The following YJU2 variants were observed in gnomAD, a reference collection of about 807,000 sequenced individuals.
YJU2 encodes the protein YJU2 splicing factor homolog.
In YJU2, 28 loss-of-function variants were observed where a neutral mutation model predicts 39.6. That is an observed-to-expected ratio of 0.71 (90% CI 0.52 to 0.97). The LOEUF is 0.97. Among genes scored for constraint, YJU2 ranks in the 50% least tolerant of loss-of-function variants. The probability of loss-of-function intolerance (pLI) is 0.00; values close to 1 mark genes in which losing one functional copy is unlikely to be tolerated. For missense variants in YJU2, 328 were observed against 430.4 expected, an observed-to-expected ratio of 0.76 and a Z score of 2.11; for synonymous variants, 184 against 182.4, an observed-to-expected ratio of 1.01 and a Z score of -0.07.
chr19:4,261,160 CA>C (rs1971067318), intron 5 of YJU2, among the ~76,000 whole-genome samples: 3 of 152,144 alleles, frequency 2.0e-5, no homozygotes, highest in African/African-American at 7.2e-5. Flanking sequence ...TCTAAAGGCA[CA>C]GGGATTACAG....
At chr19:4,247,214 C>T (rs763333909) in intron 1 of YJU2, 44 bp downstream of exon 1, 7 of 1,565,720 alleles carry the variant, frequency 4.5e-6, no homozygotes, top group Non-Finnish European at 6.1e-6. Context: ...AGCAGGACAT[C>T]CCGGAACTCC....
rs757755246 is a variant in YJU2 at position 4,254,342 on chromosome 19, A to C, written c.271-13A>C. The C allele has an allele frequency of 1.2e-6, 2 of 1,606,502 alleles. No individual in the cohort carries two copies. The highest frequency in any genetic ancestry group is 2.7e-5 in the African/African-American group (2 of 74,688). ...GGGATGTAGGAGCTGATGTCTGTCT[A>C]TCCTCCCTGCAGACAGACCCTGAAA... On this transcript the variant is annotated splice_polypyrimidine_tract_variant and intron_variant, in intron 3 of 7. Coordinates refer to ENST00000262962, the MANE Select transcript of YJU2 (RefSeq NM_018074.6).
intron 4 of YJU2, among the ~76,000 whole-genome samples, chr19:4,255,389 G>A (rs906947299): frequency 1.3e-5 from 2 of 152,012 alleles, no homozygotes; most frequent in African/African-American, 2.4e-5. Flanking sequence ...TCAAAGACCA[G>A]CCTGGGCAAC....
intron 3 of YJU2, among the ~76,000 whole-genome samples, chr19:4,253,728 G>C: frequency 6.6e-6 from 1 of 152,266 alleles, no homozygotes; most frequent in South Asian, 2.1e-4. Flanking sequence ...AAAAACAGGG[G>C]CATGCTGTAT....
Position 4,258,383 on chromosome 19 carries a change from C to G in YJU2, c.547C>G (p.Arg183Gly). The G allele has an allele frequency of 6.3e-7, 1 of 1,597,202 alleles. No individual in the cohort carries two copies. Among genetic ancestry groups the G allele is most frequent in the Non-Finnish European group, 8.5e-7 (1 of 1,173,888 alleles). ...GCAGCACCGCCTGTCGGAGGAGGAG[C>G]GGCGGAGGCAGCAGCAGGAGGAGGA... ...LRQHRLSEEE[R>G]RRQQQEEDEQ... Residue 183 changes from arginine (R) to glycine (G), a missense_variant, in exon 5 of 8, where the codon CGG becomes GGG. Arg to Gly is a moderately radical substitution (Grantham distance 125, BLOSUM62 -2). Transcript: ENST00000262962.
chr19:4,262,238 G>A (rs1454775567), intron 6 of YJU2, 124 bp downstream of exon 6: 27 of 1,058,944 alleles, frequency 2.5e-5, no homozygotes, highest in Middle Eastern at 3.2e-4. Context: ...TCGCTCTGTC[G>A]CCTAGGCTGG....
Position 4,259,773 on chromosome 19 carries a change from C to T in YJU2, c.587+1350C>T, listed in dbSNP as rs867171171. Among the ~76,000 whole-genome samples, 17 of 152,202 alleles carry T rather than the reference C, an allele frequency of 1.1e-4. No homozygotes were observed. In the Middle Eastern group the frequency reaches 0.017, roughly 152 times the overall value. On this transcript the variant is annotated intron_variant, in intron 5 of 7. Coordinates refer to ENST00000262962, the MANE Select transcript of YJU2 (RefSeq NM_018074.6). ...TCCCCTCCCTCCTTTAGAATCTGAG[C>T]TGTAAGGACAGGGACGTGGTGGCCT...
At chr19:4,257,961 T>G (rs1971035415) in intron 4 of YJU2, among the ~76,000 whole-genome samples, 1 of 152,222 alleles carries the variant, frequency 6.6e-6, no homozygotes, top group South Asian at 2.1e-4. Flanking sequence ...CCAGGCCACC[T>G]GGGTCCAGAG....
Position 4,249,335 on chromosome 19 carries a change from A to G in YJU2, c.125+7A>G, listed in dbSNP as rs1382843912. ...TGGCCCCCTTCAACATGAGGTGAGC[A>G]CCCCCTGCGTGACCCCACACACCAG... On this transcript the variant is annotated splice_region_variant and intron_variant, in intron 2 of 7. Coordinates refer to ENST00000262962, the MANE Select transcript of YJU2 (RefSeq NM_018074.6). The G allele has an allele frequency of 1.9e-6, 3 of 1,594,996 alleles. No homozygotes were observed. The South Asian group carries it at 3.3e-5, about 18-fold the overall frequency.
Position 4,258,362 on chromosome 19 carries a change from C to T in YJU2, c.526C>T (p.His176Tyr). 1.3e-6 allele frequency: 2 copies of T among 1,596,158 alleles called. No homozygotes were observed. The highest frequency in any genetic ancestry group is 1.7e-6 in the Non-Finnish European group (2 of 1,173,296). ...GGACTTCGAGGCTATGCTGAGGCAGCACCGCCTGTCGGAGGAGGAGCGGCG... is the reference window on the plus strand; with the variant it reads ...GGACTTCGAGGCTATGCTGAGGCAGTACCGCCTGTCGGAGGAGGAGCGGCG... ...HVDFEAMLRQ[H>Y]RLSEEERRRQ... Residue 176 changes from histidine (H) to tyrosine (Y), a missense_variant, in exon 5 of 8, where the codon CAC becomes TAC. Around this residue, in one of 2 missense-constraint regions of YJU2, gnomAD observed 244 missense variants for 264.6 expected, o/e 0.92. Coordinates refer to ENST00000262962, the MANE Select transcript of YJU2 (RefSeq NM_018074.6).
intron 3 of YJU2, among the ~76,000 whole-genome samples, chr19:4,252,521 G>A (rs1274008549): frequency 6.6e-6 from 1 of 152,002 alleles, no homozygotes; most frequent in African/African-American, 2.4e-5. Flanking sequence ...AGAGAATGGC[G>A]TGAACCCAGG....
intron 1 of YJU2, among the ~76,000 whole-genome samples, chr19:4,247,849 T>C (rs1392753652): frequency 1.3e-5 from 2 of 151,820 alleles, no homozygotes; most frequent in South Asian, 2.1e-4. Context: ...CAGTATAAAC[T>C]ATACTGTTGG....
rs186921481 is a variant in YJU2 at position 4,255,083 on chromosome 19, G to C, written c.405+594G>C. 2.2e-3 allele frequency among the ~76,000 whole-genome samples: 314 copies of C among 143,404 alleles called. 1 individual carries two copies. The highest frequency in any genetic ancestry group is 8.3e-3 in the African/African-American group (308 of 37,170). 94.1% of individuals were successfully genotyped at this position (143,404 alleles called of 152,430 possible). On this transcript the variant is annotated intron_variant, in intron 4 of 7. Transcript: ENST00000262962. Reference sequence around the variant, plus strand: ...AAAAAAAAAAAAAAAAATTAGTCAAGCATGGTGGCGCATGCCTGTAATCTC... The same window carrying C: ...AAAAAAAAAAAAAAAAATTAGTCAACCATGGTGGCGCATGCCTGTAATCTC...
chr19:4,247,639 GTGTGTGTGTGTGTGTGTGTGTGTGT>G lies in YJU2; in HGVS notation c.24+470_24+494del, dbSNP rs1970939142. Among the ~76,000 whole-genome samples, 94 of 66,696 alleles carry G rather than the reference GTGTGTGTGTGTGTGTGTGTGTGTGT, an allele frequency of 1.4e-3. 11 individuals carry two copies. Among genetic ancestry groups the G allele is most frequent in the African/African-American group, 2.8e-3 (33 of 11,874 alleles). The allele number at this position is 66,696 out of a possible 152,430, so 43.8% of individuals were successfully genotyped here. Reference sequence around the variant, plus strand: ...TGTGTGTGTGTGTGTGTGTGTGTGTGTGTGTGTGTGTGTGTGTGTGTGTGTGTGTGTGTGTGTGTGTGTGTGTGTG... The same window carrying G: ...TGTGTGTGTGTGTGTGTGTGTGTGTGGTGTGTGTGTGTGTGTGTGTGTGTG... On this transcript the variant is annotated intron_variant, in intron 1 of 7. Coordinates refer to ENST00000262962, the MANE Select transcript of YJU2 (RefSeq NM_018074.6).
At chr19:4,253,284 A>G (rs1190524927) in intron 3 of YJU2, among the ~76,000 whole-genome samples, 1 of 151,772 alleles carries the variant, frequency 6.6e-6, no homozygotes, top group Non-Finnish European at 1.5e-5. Flanking sequence ...TACCATTAAC[A>G]TTGTAGGCTG....
chr19:4,262,347 C>T (rs1163039727), intron 6 of YJU2, among the ~76,000 whole-genome samples: 3 of 152,012 alleles, frequency 2.0e-5, no homozygotes, highest in African/African-American at 4.8e-5. Context: ...TACAGGCACG[C>T]GCCACCAAGC....
chr19:4,247,081 GA>G lies in YJU2; in HGVS notation c.-62del, dbSNP rs1555724660. 3 of 1,508,926 alleles carry G rather than the reference GA, an allele frequency of 2.0e-6. No homozygotes were observed. Among genetic ancestry groups the G allele is most frequent in the Non-Finnish European group, 2.8e-6 (3 of 1,084,226 alleles). The allele number at this position is 1,508,926 out of a possible 1,614,324, so 93.5% of individuals were successfully genotyped here. On this transcript the variant is annotated 5_prime_UTR_variant, in exon 1 of 8. Transcript: ENST00000262962. ...GTTTGCGGAAGTAAGGCTTCCGTCGGAAAAGCTCGATAATTACCCAGCCTAA... is the reference window on the plus strand; with the variant it reads ...GTTTGCGGAAGTAAGGCTTCCGTCGGAAAGCTCGATAATTACCCAGCCTAA...
At chr19:4,258,137 G>GGGT in intron 4 of YJU2, 105 bp from the exon 5 acceptor site, 1 of 1,466,638 alleles carries the variant, frequency 6.8e-7, no homozygotes, top group South Asian at 1.4e-5. Context: ...GGAAACGTGG[G>GGGT]GGTAGGGGTT....
chr19:4,253,527 G>T (rs931771045), intron 3 of YJU2, among the ~76,000 whole-genome samples: 3 of 152,096 alleles, frequency 2.0e-5, no homozygotes, highest in African/African-American at 4.8e-5. Context: ...GTTGCAGTGA[G>T]CCATGATCCT....
Sources: gnomAD v4.1 joint callset for allele counts (sites outside exome capture counted in the v4.1 genomes callset) on GRCh38, gnomAD v4.1.1 for gene constraint, gnomAD v4.1.1 regional missense constraint, MANE v1.5 for transcripts, NCBI Gene and HGNC (gene_info 2026-07-23, HGNC 2026-07-21) for gene names.